Variants in HPSE2 observed in about 807,000 individuals in gnomAD.
HPSE2 encodes the protein heparanase 2 (inactive), also known as inactive heparanase-2.
HPSE2 carries 38 observed loss-of-function variants against 60.5 expected under a neutral mutation model. The ratio of observed to expected loss-of-function variants is 0.63; its 90% CI spans 0.48 to 0.82. The LOEUF is 0.82. Ranked by LOEUF, HPSE2 falls within the 40% of genes least tolerant of loss-of-function variation. HPSE2 has a pLI of 0.00. For missense variants in HPSE2, 713 were observed against 740.4 expected (o/e 0.96, Z 0.43); for synonymous variants, 295 against 293.2 (o/e 1.01, Z -0.06).
chr10:98,812,699 G>A (rs1951196486), intron 3 of HPSE2, among the ~76,000 whole-genome samples: 1 of 152,144 alleles, frequency 6.6e-6, no homozygotes, highest in Non-Finnish European at 1.5e-5. Context: ...GCACTCAGTA[G>A]CCACATGTGG....
intron 10 of HPSE2, among the ~76,000 whole-genome samples, chr10:98,488,199 CTTGT>C (rs1941510003): frequency 6.6e-6 from 1 of 152,160 alleles, no homozygotes. Context: ...ATTTCAGTAA[CTTGT>C]TTGAGGTCTC....
chr10:98,747,979 G>A (rs1589757151), intron 3 of HPSE2, among the ~76,000 whole-genome samples: 2 of 152,246 alleles, frequency 1.3e-5, no homozygotes, highest in East Asian at 3.9e-4. Context: ...GAAGTAGAAA[G>A]AGGCAAAAGA....
chr10:98,996,503 G>A (rs892304053), intron 3 of HPSE2, among the ~76,000 whole-genome samples: 1 of 152,120 alleles, frequency 6.6e-6, no homozygotes, highest in Admixed American at 6.5e-5. Flanking sequence ...ATATTTTTAT[G>A]AGAAAAACGA....
chr10:98,776,455 A>G (rs879922165), intron 3 of HPSE2, among the ~76,000 whole-genome samples: 3 of 152,226 alleles, frequency 2.0e-5, no homozygotes, highest in Middle Eastern at 3.4e-3. Context: ...CTCAAAAATA[A>G]TAATAACGAT....
rs541723015 is a variant in HPSE2, at chr10:98,868,947, T to C, written c.611-124891A>G. 1.2e-3 allele frequency among the ~76,000 whole-genome samples: 177 copies of C among 152,322 alleles called. 2 individuals carry two copies. The highest frequency in any genetic ancestry group is 4.1e-3 in the African/African-American group (169 of 41,574). The stretch of plus-strand genomic sequence containing the variant: ...TGGTCAGAAACTACATTCTAAATTA[T>C]TTCAGTCCTCTAGAATGTATTTAGA... On this transcript the variant is annotated intron_variant, in intron 3 of 11. Coordinates refer to ENST00000370552, the MANE Select transcript of HPSE2 (RefSeq NM_021828.5).
rs77002263 is a variant in HPSE2, at chr10:98,958,250, C to T, written c.610+185988G>A. On this transcript the variant is annotated intron_variant, in intron 3 of 11. Transcript: ENST00000370552. ...ACATATTTGTATACATATACAACAG[C>T]TAAAGCAGGCCAAGTAATTTGCATA... Among the ~76,000 whole-genome samples, 22 of 152,124 alleles carry T rather than the reference C, an allele frequency of 1.4e-4. No individual in the cohort carries two copies. In the East Asian group the frequency reaches 3.7e-3, roughly 25 times the overall value.
At chr10:99,315,368 T>A in the HPSE2 span, among the ~76,000 whole-genome samples, 1 of 152,252 alleles carries the variant, frequency 6.6e-6, no homozygotes. Context: ...AAGAAGATGC[T>A]AACATTTACT....
the HPSE2 span, among the ~76,000 whole-genome samples, chr10:99,242,485 TAG>T: frequency 8.5e-5 from 13 of 152,282 alleles, no homozygotes; most frequent in East Asian, 2.3e-3. Context: ...TGAAACCCCT[TAG>T]CATGTTTGGA....
intron 3 of HPSE2, among the ~76,000 whole-genome samples, chr10:98,918,181 T>C (rs1254088802): frequency 6.6e-6 from 1 of 152,202 alleles, no homozygotes. Flanking sequence ...CTGAGTTTTC[T>C]TACAGTTCCT....
chr10:98,936,454 C>T (rs1443969139), intron 3 of HPSE2, among the ~76,000 whole-genome samples: 1 of 143,146 alleles, frequency 7.0e-6, no homozygotes, highest in Non-Finnish European at 1.5e-5. Flanking sequence ...CTCCTAATCC[C>T]CAGATAGCAA....
At chr10:98,878,050 C>A (rs1424785979) in intron 3 of HPSE2, among the ~76,000 whole-genome samples, 2 of 151,860 alleles carry the variant, frequency 1.3e-5, no homozygotes, top group Non-Finnish European at 2.9e-5. Context: ...ACTTCCACTT[C>A]CAGCTGAGAT....
intron 7 of HPSE2, among the ~76,000 whole-genome samples, chr10:98,626,081 G>A (rs1352856798): frequency 6.7e-6 from 1 of 148,760 alleles, no homozygotes; most frequent in Non-Finnish European, 1.5e-5. Flanking sequence ...ACTCCAGCCT[G>A]GGCGACAGAG....
At chr10:99,047,791 CA>C in intron 3 of HPSE2, 3 of 826,384 alleles carry the variant, frequency 3.6e-6, no homozygotes, top group East Asian at 2.4e-5. Flanking sequence ...AGCTTATCTA[CA>C]AAAAAGCAAA....
chr10:99,029,680 T>G (rs1347291109), intron 3 of HPSE2, among the ~76,000 whole-genome samples: 1 of 152,188 alleles, frequency 6.6e-6, no homozygotes, highest in African/African-American at 2.4e-5. Flanking sequence ...TCACTAATTT[T>G]CTGCTGCTAT....
the HPSE2 span, among the ~76,000 whole-genome samples, chr10:99,257,424 T>C: frequency 1.3e-5 from 2 of 152,160 alleles, no homozygotes; most frequent in African/African-American, 2.4e-5. Context: ...TCCCTGAGGG[T>C]AGGCCTCTAA....
At position 98,797,851 on chromosome 10, in the gene HPSE2, CAAAAAACA is replaced by C. The variant is rs550741227; in HGVS notation, c.611-53803_611-53796del. 1.4e-3 allele frequency among the ~76,000 whole-genome samples: 214 copies of C among 151,030 alleles called. 3 individuals carry two copies. Among genetic ancestry groups the C allele is most frequent in the African/African-American group, 4.3e-3 (177 of 41,206 alleles). ...AAAGTGAGACTCCGCCTCAAAAAAA[CAAAAAACA>C]AAAAAACAAAAAAACAAAAACAAAA... On this transcript the variant is annotated intron_variant, in intron 3 of 11. Transcript: ENST00000370552.
chr10:99,310,139 A>G, the HPSE2 span, among the ~76,000 whole-genome samples: 1 of 152,296 alleles, frequency 6.6e-6, no homozygotes, highest in South Asian at 2.1e-4. Context: ...TCCTTCTTAT[A>G]AGAACGCTTA....
chr10:99,062,488 G>A (rs777164077), intron 3 of HPSE2, among the ~76,000 whole-genome samples: 1 of 152,096 alleles, frequency 6.6e-6, no homozygotes, highest in Non-Finnish European at 1.5e-5. Context: ...TAAATATTTT[G>A]AGAGCATTTT....
At chr10:99,204,170 C>G (rs1203880023) in intron 2 of HPSE2, among the ~76,000 whole-genome samples, 2 of 152,102 alleles carry the variant, frequency 1.3e-5, no homozygotes, top group Non-Finnish European at 2.9e-5. Flanking sequence ...ACCATTCATA[C>G]AGGCCCCAGG....
Sources: allele counts gnomAD v4.1 joint callset (sites outside exome capture counted in the v4.1 genomes callset), GRCh38; gene constraint gnomAD v4.1.1; transcripts MANE v1.5; gene names NCBI Gene and HGNC (gene_info 2026-07-23, HGNC 2026-07-21).